Variants in TRIM52 observed in about 807,000 individuals in gnomAD.
TRIM52 encodes the protein E3 ubiquitin-protein ligase TRIM52.
A neutral mutation model predicts 27.0 loss-of-function variants in TRIM52; 24 were observed. The observed-to-expected ratio is 0.89, with a 90% CI of 0.64 to 1.25. The LOEUF is 1.25. TRIM52 is among the 50% of genes most tolerant of loss of function. TRIM52 has a pLI of 0.00. For synonymous variants in TRIM52, 125 were observed against 126.5 expected, an observed-to-expected ratio of 0.99 and a Z score of 0.08; for missense variants, 351 against 354.7, an observed-to-expected ratio of 0.99 and a Z score of 0.08.
At chr5:181,261,143 CG>C, upstream of TRIM52, 1 of 262,518 alleles carries the variant, frequency 3.8e-6, no homozygotes, top group South Asian at 8.4e-5. Context: ...CCCGAGGCGA[CG>C]CAAAATGACG....
At position 181,257,472 on chromosome 5, in the gene TRIM52, A is replaced by G. The variant is rs771451832; in HGVS notation, c.814-613T>C. On this transcript the variant is annotated intron_variant, in intron 1 of 1. Coordinates refer to ENST00000688015, the MANE Select transcript of TRIM52 (RefSeq NM_001346048.2). The stretch of plus-strand genomic sequence containing the variant: ...TTGCTCTATCTGAAGTATTCCCACC[A>G]GAGTTGTTTCCAACTTTATTTCCTA... 72 of 1,612,264 alleles carry G rather than the reference A, an allele frequency of 4.5e-5. No individual in the cohort carries two copies. The highest frequency in any genetic ancestry group is 5.8e-5 in the Non-Finnish European group (68 of 1,179,302).
chr5:181,255,888 C>T lies in TRIM52; in HGVS notation c.*921G>A, dbSNP rs1293292085. 1 of 152,166 alleles carries T rather than the reference C, an allele frequency of 6.6e-6. No individual in the cohort carries two copies. Among genetic ancestry groups the T allele is most frequent in the African/African-American group, 2.4e-5 (1 of 41,426 alleles). The allele number at this position is 152,166 out of a possible 1,614,324, so 9.4% of individuals were successfully genotyped here. Reference sequence around the variant, plus strand: ...TCTTCCAACCTTGGGGTTGTTCTGTCCACAAGTTCAGCAGAATCCGTTTTT... The same window carrying T: ...TCTTCCAACCTTGGGGTTGTTCTGTTCACAAGTTCAGCAGAATCCGTTTTT... On this transcript the variant is annotated 3_prime_UTR_variant, in exon 2 of 2. Coordinates refer to ENST00000688015, the MANE Select transcript of TRIM52 (RefSeq NM_001346048.2).
At chr5:181,249,287 A>G (rs532975066), downstream of TRIM52, among the ~76,000 whole-genome samples, 1 of 152,306 alleles carries the variant, frequency 6.6e-6, no homozygotes, top group East Asian at 1.9e-4. Flanking sequence ...ACGAAGTGGC[A>G]CTAAAGGAGG....
chr5:181,257,309 C>A (rs932533768), intron 1 of TRIM52: 18 of 1,360,616 alleles, frequency 1.3e-5, no homozygotes, highest in Non-Finnish European at 1.6e-5. Flanking sequence ...AGAACATTGA[C>A]CTCAAAACAA....
chr5:181,257,648 A>G, intron 1 of TRIM52: 1 of 507,392 alleles, frequency 2.0e-6, no homozygotes, highest in Non-Finnish European at 3.3e-6. Flanking sequence ...TCATGCGACT[A>G]TAATTTACAT....
Position 181,260,072 on chromosome 5 carries a change from C to T in TRIM52, c.742G>A (p.Val248Met). The change falls in exon 1 of 2, where the codon GTG becomes ATG. Residue 248 changes from valine (V) to methionine (M), a missense_variant. By Grantham distance (21) the Val-to-Met change is conservative. Coordinates refer to ENST00000688015, the MANE Select transcript of TRIM52 (RefSeq NM_001346048.2). The surrounding 1 kb of genome is among the most constrained non-coding windows in gnomAD (Gnocchi z 4.4). ...TTGTGGCTCCTGGATTCTCGGCACA[C>T]CACACAGATGGCCTCTTTGTCCACC... ...CEVDKEAICV[V>M]CRESRSHKQH... 6.2e-7 allele frequency: 1 copy of T among 1,614,212 alleles called. No individual in the cohort carries two copies. Among genetic ancestry groups the T allele is most frequent in the Non-Finnish European group, 8.5e-7 (1 of 1,180,038 alleles).
At position 181,260,156 on chromosome 5, in the gene TRIM52, G is replaced by A; in HGVS notation, c.658C>T (p.Arg220Trp). 5 of 1,614,158 alleles carry A rather than the reference G, an allele frequency of 3.1e-6. No homozygotes were observed. The highest frequency in any genetic ancestry group is 1.1e-5 in the South Asian group (1 of 91,084). ...QMCPTPYRGNRSNDQGMCFKH... is the reference protein window; with the variant it reads ...QMCPTPYRGNWSNDQGMCFKH... ...AAGCACATGCCCTGATCATTACTCC[G>A]GTTTCCCCGATAAGGAGTGGGGCAC... Residue 220 changes from arginine (R) to tryptophan (W), a missense_variant, in exon 1 of 2, where the codon CGG becomes TGG. Coordinates refer to ENST00000688015, the MANE Select transcript of TRIM52 (RefSeq NM_001346048.2). This position sits in a 1 kb window ranked among gnomAD's most constrained non-coding sequence, Gnocchi z 4.4.
Position 181,261,074 on chromosome 5 carries a change from C to T in TRIM52, c.-261G>A. The T allele has an allele frequency of 2.1e-6, 1 of 484,720 alleles. No individual in the cohort carries two copies. The highest frequency in any genetic ancestry group is 3.4e-5 in the East Asian group (1 of 29,754). The allele number at this position is 484,720 out of a possible 1,614,324, so 30.0% of individuals were successfully genotyped here. A position where few individuals can be genotyped will look rare whatever the true frequency, so the allele number is the denominator to read the frequency against. ...CTCGGTCCTGTCACGTCTCTCGCTA[C>T]CCTCAGGGTGTGCCCTACACTGCGG... On this transcript the variant is annotated 5_prime_UTR_variant, in exon 1 of 2. Transcript: ENST00000688015.
At chr5:181,251,154 C>T (rs1022793111), downstream of TRIM52, among the ~76,000 whole-genome samples, 3 of 151,876 alleles carry the variant, frequency 2.0e-5, no homozygotes, top group Non-Finnish European at 2.9e-5. Context: ...ATTAGCTGGG[C>T]GTGGTAGCAC....
downstream of TRIM52, among the ~76,000 whole-genome samples, chr5:181,251,506 C>T (rs1284607072): frequency 6.6e-6 from 1 of 152,108 alleles, no homozygotes; most frequent in East Asian, 1.9e-4. Context: ...AATTCAAATC[C>T]CCGAGGTGTC....
chr5:181,260,176 G>A lies in TRIM52; in HGVS notation c.638C>T (p.Pro213Leu). Residue 213 changes from proline (P) to leucine (L), a missense_variant, in exon 1 of 2, where the codon CCC (proline) becomes CTC (leucine). By Grantham distance (98) the Pro-to-Leu change is moderately conservative (BLOSUM62 -3). Transcript: ENST00000688015. This position sits in a 1 kb window ranked among gnomAD's most constrained non-coding sequence, Gnocchi z 4.4. Reference sequence around the variant, plus strand: ...ACTCCGGTTTCCCCGATAAGGAGTGGGGCACATCTGGCGAATTATCTGGAC... The same window carrying A: ...ACTCCGGTTTCCCCGATAAGGAGTGAGGCACATCTGGCGAATTATCTGGAC... ...NMVQIIRQMCPTPYRGNRSND... is the reference protein window; with the variant it reads ...NMVQIIRQMCLTPYRGNRSND... The A allele has an allele frequency of 6.2e-7, 1 of 1,614,206 alleles. No homozygotes were observed. The highest frequency in any genetic ancestry group is 8.5e-7 in the Non-Finnish European group (1 of 1,180,036).
At position 181,255,979 on chromosome 5, in the gene TRIM52, G is replaced by A. The variant is rs1425715196; in HGVS notation, c.*830C>T. On this transcript the variant is annotated 3_prime_UTR_variant, in exon 2 of 2. Transcript: ENST00000688015. The stretch of plus-strand genomic sequence containing the variant: ...GGAATGGCATTTAGATCTTCAAAAA[G>A]CAGGGCAAACTGGAATGGAATGTAC... 1 of 152,202 alleles carries A rather than the reference G, an allele frequency of 6.6e-6. No homozygotes were observed. Among genetic ancestry groups the A allele is most frequent in the African/African-American group, 2.4e-5 (1 of 41,460 alleles). The allele number at this position is 152,202 out of a possible 1,614,324, so 9.4% of individuals were successfully genotyped here. A position where few individuals can be genotyped will look rare whatever the true frequency, so the allele number is the denominator to read the frequency against.
At position 181,260,250 on chromosome 5, in the gene TRIM52, C is replaced by G; in HGVS notation, c.564G>C (p.Lys188Asn). 1 of 1,614,186 alleles carries G rather than the reference C, an allele frequency of 6.2e-7. No homozygotes were observed. Among genetic ancestry groups the G allele is most frequent in the East Asian group, 2.2e-5 (1 of 44,880 alleles). ...GACGAAAGCTGCGACGTGTAAAGCT[C>G]TTTCGGCACTGGGGGCAGGTGAACT... is the stretch of plus-strand genomic sequence containing the variant. ...PGQFTCPQCR[K>N]SFTRRSFRPN... Residue 188 changes from lysine (K) to asparagine (N), a missense_variant, in exon 1 of 2, where the codon AAG (lysine) becomes AAC (asparagine). Lys to Asn is a moderately conservative substitution (Grantham distance 94, BLOSUM62 0). Transcript: ENST00000688015. This position sits in a 1 kb window ranked among gnomAD's most constrained non-coding sequence, Gnocchi z 4.4.
Position 181,260,981 on chromosome 5 carries a change from G to T in TRIM52, c.-168C>A. 3 of 991,492 alleles carry T rather than the reference G, an allele frequency of 3.0e-6. No individual in the cohort carries two copies. Among genetic ancestry groups the T allele is most frequent in the Non-Finnish European group, 2.9e-6 (2 of 698,870 alleles). 61.4% of individuals were successfully genotyped at this position (991,492 alleles called of 1,614,324 possible). On this transcript the variant is annotated 5_prime_UTR_variant, in exon 1 of 2. Transcript: ENST00000688015. This position sits in a 1 kb window ranked among gnomAD's most constrained non-coding sequence, Gnocchi z 4.4. ...TGACCCCCTCTCTCAGGGTGCGAAC[G>T]CCCAGATCCAGACTCACAGCCTCTC...
chr5:181,257,071 G>A, intron 1 of TRIM52: 1 of 1,010,108 alleles, frequency 9.9e-7, no homozygotes, highest in Middle Eastern at 5.0e-4. Flanking sequence ...CCCAATAAGT[G>A]AAATCTTTGT....
At chr5:181,252,170 C>T (rs1156356508), downstream of TRIM52, among the ~76,000 whole-genome samples, 7 of 152,096 alleles carry the variant, frequency 4.6e-5, no homozygotes, top group Non-Finnish European at 1.0e-4. Flanking sequence ...CCTTTTATGT[C>T]TAAAAATATT....
At chr5:181,258,453 C>T (rs1397921840) in intron 1 of TRIM52, 2 of 152,104 alleles carry the variant, frequency 1.3e-5, no homozygotes, top group African/African-American at 4.8e-5. Flanking sequence ...TATACTAAAA[C>T]CCAGAAGCAT....
Position 181,260,791 on chromosome 5 carries a change from G to T in TRIM52, c.23C>A (p.Pro8His), listed in dbSNP as rs1030160392. 1.9e-6 allele frequency: 3 copies of T among 1,597,812 alleles called. No homozygotes were observed. The highest frequency in any genetic ancestry group is 1.7e-6 in the Non-Finnish European group (2 of 1,168,574). MAGYATTPSPMQTLQEEA... is the reference protein window; with the variant it reads MAGYATTHSPMQTLQEEA... ...CTCCTGAAGGGTCTGCATGGGGCTG[G>T]GAGTAGTGGCATAACCAGCCATCTT... is the stretch of plus-strand genomic sequence containing the variant. Residue 8 changes from proline to histidine, a missense_variant, in exon 1 of 2, where the codon CCC becomes CAC. By Grantham distance (77) the Pro-to-His change is moderately conservative. Coordinates refer to ENST00000688015, the MANE Select transcript of TRIM52 (RefSeq NM_001346048.2). This position sits in a 1 kb window ranked among gnomAD's most constrained non-coding sequence, Gnocchi z 4.4.
chr5:181,260,110 T>G lies in TRIM52; in HGVS notation c.704A>C (p.Lys235Thr). ...CTCTTTGTCCACCTCACAGAAGAGT[T>G]TCAGGGCTTCCTGGTGTTTAAAGCA... is the stretch of plus-strand genomic sequence containing the variant. Reference protein sequence around the residue: ...GMCFKHQEALKLFCEVDKEAI... With the variant: ...GMCFKHQEALTLFCEVDKEAI... The change falls in exon 1 of 2, where the codon AAA becomes ACA. Residue 235 changes from lysine to threonine, a missense_variant. Physicochemically the swap from Lys to Thr is moderately conservative, Grantham distance 78 (BLOSUM62 -1). Transcript: ENST00000688015. The surrounding 1 kb of genome is among the most constrained non-coding windows in gnomAD (Gnocchi z 4.4). 1.2e-6 allele frequency: 2 copies of G among 1,614,214 alleles called. No individual in the cohort carries two copies. The highest frequency in any genetic ancestry group is 1.7e-5 in the Admixed American group (1 of 60,020).
Sources: allele counts gnomAD v4.1 joint callset (sites outside exome capture counted in the v4.1 genomes callset), GRCh38; gene constraint gnomAD v4.1.1; non-coding constraint Gnocchi (gnomAD v3.1); transcripts MANE v1.5; gene names NCBI Gene and HGNC (gene_info 2026-07-23, HGNC 2026-07-21).